KATNA1: variants seen among roughly 807,000 people sequenced by gnomAD.
KATNA1 encodes the protein katanin p60 ATPase-containing subunit A1.
A neutral mutation model predicts 62.6 loss-of-function variants in KATNA1; 42 were observed. The ratio of observed to expected loss-of-function variants is 0.67; its 90% CI spans 0.52 to 0.87. The LOEUF (loss-of-function observed/expected upper bound fraction) is 0.87, where lower values mean the gene tolerates loss of function less well. Among genes scored for constraint, KATNA1 ranks in the 40% least tolerant of loss-of-function variants. KATNA1 has a pLI of 0.00. For synonymous variants in KATNA1, 186 were observed against 201.9 expected (o/e 0.92, Z 0.67); for missense variants, 498 against 612.5 (o/e 0.81, Z 1.97).
chr6:149,597,255 A>G, intron 9 of KATNA1, 66 bp from the exon 10 acceptor site: 1 of 1,515,486 alleles, frequency 6.6e-7, no homozygotes. Context: ...ATTGTCTCAA[A>G]TCTTCTTTGT....
In KATNA1 at chr6:149,638,437, G is replaced by T; in HGVS notation, c.111C>A (p.Asn37Lys). The T allele has an allele frequency of 6.2e-7, 1 of 1,613,868 alleles. No individual in the cohort carries two copies. The highest frequency in any genetic ancestry group is 8.5e-7 in the Non-Finnish European group (1 of 1,179,918). Residue 37 changes from asparagine (N) to lysine (K), a missense_variant, in exon 2 of 11, where the codon AAC (asparagine) becomes AAA (lysine). Transcript: ENST00000367411. ...VYYQGVLDQM[N>K]KYLYSVKDTY... ...TATCTTTGACTGAGTACAGATACTT[G>T]TTCATTTGGTCAAGAACTCCCTGAT...
At chr6:149,616,851 G>C (rs1268265723) in intron 4 of KATNA1, among the ~76,000 whole-genome samples, 1 of 152,134 alleles carries the variant, frequency 6.6e-6, no homozygotes, top group Non-Finnish European at 1.5e-5. Flanking sequence ...AGAAATATCT[G>C]TGCACTCATA....
intron 4 of KATNA1, among the ~76,000 whole-genome samples, chr6:149,607,821 T>A (rs944572016): frequency 2.3e-4 from 35 of 152,070 alleles, no homozygotes; most frequent in African/African-American, 7.5e-4. Flanking sequence ...ATCCCAGCAC[T>A]TTGGGAGGCA....
chr6:149,600,164 C>T (rs994874587), intron 7 of KATNA1, among the ~76,000 whole-genome samples: 1 of 116,268 alleles, frequency 8.6e-6, no homozygotes, highest in African/African-American at 3.4e-5. Context: ...CACTGCACTA[C>T]AACCTGTGCA....
At chr6:149,601,557 G>A in intron 7 of KATNA1, 37 bp downstream of exon 7, 1 of 1,531,956 alleles carries the variant, frequency 6.5e-7, no homozygotes. Flanking sequence ...CCCTTTTAGA[G>A]AGGTAAAGAA....
intron 1 of KATNA1, among the ~76,000 whole-genome samples, chr6:149,645,937 G>A (rs1432016044): frequency 6.6e-6 from 1 of 151,648 alleles, no homozygotes; most frequent in Non-Finnish European, 1.5e-5. Context: ...AAAAAGAACA[G>A]GCAAAATATT....
At chr6:149,637,981 G>C (rs901126701) in intron 2 of KATNA1, among the ~76,000 whole-genome samples, 1 of 151,956 alleles carries the variant, frequency 6.6e-6, no homozygotes, top group African/African-American at 2.4e-5. Context: ...GTTTTGTTTT[G>C]TTTTTTATTT....
intron 4 of KATNA1, among the ~76,000 whole-genome samples, chr6:149,615,483 G>A (rs1779134485): frequency 6.6e-6 from 1 of 152,002 alleles, no homozygotes; most frequent in Admixed American, 6.6e-5. Flanking sequence ...AGGATTACAG[G>A]CATGAGCACC....
At chr6:149,642,776 C>T (rs1300952290) in intron 1 of KATNA1, among the ~76,000 whole-genome samples, 2 of 151,910 alleles carry the variant, frequency 1.3e-5, no homozygotes, top group African/African-American at 4.8e-5. Context: ...CAAGAAAGTA[C>T]CTTAAATATA....
intron 4 of KATNA1, among the ~76,000 whole-genome samples, chr6:149,617,126 T>C (rs1006502328): frequency 6.6e-6 from 1 of 152,204 alleles, no homozygotes; most frequent in Non-Finnish European, 1.5e-5. Flanking sequence ...AGAAACAGAA[T>C]GGTGGTTACC....
intron 1 of KATNA1, among the ~76,000 whole-genome samples, chr6:149,647,929 G>C (rs1288084926): frequency 6.6e-6 from 1 of 152,164 alleles, no homozygotes; most frequent in Non-Finnish European, 1.5e-5. Context: ...CATCACATTT[G>C]TATGAAACAA....
intron 4 of KATNA1, among the ~76,000 whole-genome samples, chr6:149,622,197 G>A (rs1312837528): frequency 1.3e-5 from 2 of 150,902 alleles, no homozygotes; most frequent in African/African-American, 4.9e-5. Context: ...CGGTGGCGCG[G>A]TCTCGGCTCA....
chr6:149,623,161 C>A lies in KATNA1; in HGVS notation c.443G>T (p.Arg148Ile). Reference sequence around the variant, plus strand: ...TTCACGACAACGAACAGCTTTCCCTCTGTCATTGTGAACATTCTGTGCAGA... The same window carrying A: ...TTCACGACAACGAACAGCTTTCCCTATGTCATTGTGAACATTCTGTGCAGA... ...RSSAQNVHND[R>I]GKAVRCREKK... Residue 148 changes from arginine (R) to isoleucine (I), a missense_variant, in exon 4 of 11, where the codon AGA becomes ATA. By Grantham distance (97) the Arg-to-Ile change is moderately conservative (BLOSUM62 -3). Transcript: ENST00000367411. 1 of 1,612,688 alleles carries A rather than the reference C, an allele frequency of 6.2e-7. No individual in the cohort carries two copies. The highest frequency in any genetic ancestry group is 1.3e-5 in the African/African-American group (1 of 75,010).
chr6:149,632,903 A>G lies in KATNA1; in HGVS notation c.176T>C (p.Ile59Thr), dbSNP rs1779906549. ...TTTAACATGTTTAGCTTCCACATTTATTTCCTGCCAAACCTGATTTCAAAG... is the reference window on the plus strand; with the variant it reads ...TTTAACATGTTTAGCTTCCACATTTGTTTCCTGCCAAACCTGATTTCAAAG... Reference protein sequence around the residue: ...QQKWQQVWQEINVEAKHVKDI... With the variant: ...QQKWQQVWQETNVEAKHVKDI... Residue 59 changes from isoleucine to threonine, a missense_variant, in exon 3 of 11, where the codon ATA (isoleucine) becomes ACA (threonine). Around this residue, in one of 3 missense-constraint regions of KATNA1, gnomAD observed 203 missense variants for 198.4 expected, o/e 1.02. Coordinates refer to ENST00000367411, the MANE Select transcript of KATNA1 (RefSeq NM_007044.4). 3.4e-5 allele frequency: 55 copies of G among 1,605,154 alleles called. No homozygotes were observed. The highest frequency in any genetic ancestry group is 4.5e-5 in the Non-Finnish European group (53 of 1,177,998).
chr6:149,619,827 T>C (rs1472481282), intron 4 of KATNA1, among the ~76,000 whole-genome samples: 1 of 152,126 alleles, frequency 6.6e-6, no homozygotes, highest in Non-Finnish European at 1.5e-5. Flanking sequence ...GATTGCTAGA[T>C]TATATGGTAG....
At chr6:149,603,241 A>G (rs1253808045) in intron 6 of KATNA1, 27 bp downstream of exon 6, 1 of 950,816 alleles carries the variant, frequency 1.1e-6, no homozygotes, top group Non-Finnish European at 1.6e-6. Context: ...ATTTACTTTG[A>G]CAATGCCATC....
At chr6:149,630,355 G>A (rs9766169) in intron 3 of KATNA1, among the ~76,000 whole-genome samples, 1,628 of 152,338 alleles carry the variant, frequency 0.011, 28 homozygotes, top group African/African-American at 0.038. Context: ...GCGGCTGGGT[G>A]CGGTGGCTCA....
Position 149,597,585 on chromosome 6 carries a change from C to G in KATNA1, c.1072G>C (p.Ala358Pro). The change falls in exon 9 of 11, where the codon GCT becomes CCT. Residue 358 changes from alanine to proline, a missense_variant. Physicochemically the swap from Ala to Pro is conservative, Grantham distance 27 (BLOSUM62 -1). Coordinates refer to ENST00000367411, the MANE Select transcript of KATNA1 (RefSeq NM_007044.4). ...TCTATATCCCAGGGAAAATTAGTAG[C>G]TGCCAGAACCATAACCATTTTGGAA... ...DPSKMVMVLA[A>P]TNFPWDIDEA... The G allele has an allele frequency of 1.2e-6, 2 of 1,613,938 alleles. No homozygotes were observed. The highest frequency in any genetic ancestry group is 1.7e-6 in the Non-Finnish European group (2 of 1,179,850).
intron 6 of KATNA1, 40 bp downstream of exon 6, chr6:149,603,228 G>A: frequency 1.2e-6 from 1 of 823,606 alleles, no homozygotes; most frequent in South Asian, 1.6e-5. Context: ...TCAACATGCT[G>A]CCATTTACTT....
Sources: allele counts gnomAD v4.1 joint callset (sites outside exome capture counted in the v4.1 genomes callset), GRCh38; gene constraint gnomAD v4.1.1; regional missense constraint gnomAD v4.1.1; transcripts MANE v1.5; gene names NCBI Gene and HGNC (gene_info 2026-07-23, HGNC 2026-07-21).